The following ZNF358 variants were observed in gnomAD, a reference collection of about 807,000 sequenced individuals.
ZNF358 encodes the protein zinc finger protein 358.
ZNF358 carries 1 observed loss-of-function variant against 2.1 expected under a neutral mutation model. The ratio of observed to expected loss-of-function variants is 0.49; its 90% CI spans 0.17 to 2.30. The LOEUF (loss-of-function observed/expected upper bound fraction) is 2.30. Ranked by LOEUF, ZNF358 falls within the 30% of genes most tolerant of loss-of-function variation. ZNF358 has a pLI of 0.26. For synonymous variants in ZNF358, 381 were observed against 359.7 expected (o/e 1.06, Z -0.67); for missense variants, 665 against 806.8 (o/e 0.82, Z 2.13).
intron 1 of ZNF358, among the ~76,000 whole-genome samples, chr19:7,517,460 C>T (rs1262298900): frequency 2.0e-5 from 3 of 152,132 alleles, no homozygotes; most frequent in Admixed American, 6.5e-5. Context: ...CATGGTGGCT[C>T]ATGCCTGTAA....
chr19:7,520,137 G>A lies in ZNF358; in HGVS notation c.895G>A (p.Ala299Thr). Reference protein sequence around the residue: ...RPYPCPQCGKAFGQSSALLQH... With the variant: ...RPYPCPQCGKTFGQSSALLQH... The stretch of plus-strand genomic sequence containing the variant: ...CTACCCGTGTCCGCAGTGCGGCAAG[G>A]CCTTCGGGCAGAGCTCGGCGCTGCT... The change falls in exon 2 of 2, where the codon GCC (alanine) becomes ACC (threonine). Residue 299 changes from alanine (A) to threonine (T), a missense_variant. Ala to Thr is a moderately conservative substitution (Grantham distance 58, BLOSUM62 0). Transcript: ENST00000597229. This position sits in a 1 kb window ranked among gnomAD's most constrained non-coding sequence, Gnocchi z 6.0. The A allele has an allele frequency of 6.3e-7, 1 of 1,598,974 alleles. No individual in the cohort carries two copies. The highest frequency in any genetic ancestry group is 8.5e-7 in the Non-Finnish European group (1 of 1,178,286).
chr19:7,519,980 C>A lies in ZNF358; in HGVS notation c.738C>A (p.His246Gln). Reference sequence around the variant, plus strand: ...CGGTGTGTGGCAAGGCCTTCGGGCACGGCTCGCTCCTGGCACAGCACCTGC... The same window carrying A: ...CGGTGTGTGGCAAGGCCTTCGGGCAAGGCTCGCTCCTGGCACAGCACCTGC... ...HCPVCGKAFG[H>Q]GSLLAQHLRT... Residue 246 changes from histidine (H) to glutamine (Q), a missense_variant, in exon 2 of 2, where the codon CAC becomes CAA. By Grantham distance (24) the His-to-Gln change is conservative (BLOSUM62 0). Transcript: ENST00000597229. The A allele has an allele frequency of 6.6e-7, 1 of 1,515,012 alleles. No individual in the cohort carries two copies. The allele number at this position is 1,515,012 out of a possible 1,614,324, so 93.8% of individuals were successfully genotyped here.
chr19:7,520,475 TGCAGCA>T lies in ZNF358; in HGVS notation c.1236_1241del (p.Ala415_Ala416del). On this transcript the variant is annotated inframe_deletion, in exon 2 of 2. Coordinates refer to ENST00000597229, the MANE Select transcript of ZNF358 (RefSeq NM_018083.5). This position sits in a 1 kb window ranked among gnomAD's most constrained non-coding sequence, Gnocchi z 6.0. ...CTGCAGCTGCCGCGGCCGCTGCAGC[TGCAGCA>T]GCGGCCGCCGGCCTGGGCCTCGGGC... 2.6e-6 allele frequency: 2 copies of T among 756,364 alleles called. No individual in the cohort carries two copies. Among genetic ancestry groups the T allele is most frequent in the Non-Finnish European group, 3.9e-6 (2 of 515,624 alleles). The allele number at this position is 756,364 out of a possible 1,614,324, so 46.9% of individuals were successfully genotyped here.
chr19:7,518,557 G>GAGAGAGAGAAAGAAAGAAAGAAAGAA (rs556101041), intron 1 of ZNF358, among the ~76,000 whole-genome samples: 6 of 116,170 alleles, frequency 5.2e-5, no homozygotes, highest in East Asian at 2.6e-4. Flanking sequence ...GAGAGAGAGA[G>GAGAGAGAGAAAGAAAGAAAGAAAGAA]AGAAAGAAAG....
Position 7,519,992 on chromosome 19 carries a change from G to A in ZNF358, c.750G>A (p.Leu250=). Residue 250 remains leucine, a synonymous_variant, in exon 2 of 2, where the codon CTG becomes CTA. Transcript: ENST00000597229. ...CGKAFGHGSL[L]AQHLRTHGGP... ...AGGCCTTCGGGCACGGCTCGCTCCT[G>A]GCACAGCACCTGCGCACGCACGGCG... The A allele has an allele frequency of 6.6e-7, 1 of 1,521,464 alleles. No homozygotes were observed. Among genetic ancestry groups the A allele is most frequent in the South Asian group, 1.2e-5 (1 of 82,408 alleles). The allele number at this position is 1,521,464 out of a possible 1,614,324, so 94.2% of individuals were successfully genotyped here.
chr19:7,520,503 G>C lies in ZNF358; in HGVS notation c.1261G>C (p.Gly421Arg). ...AAAAAAGLGLGPGLSPASMMR... is the reference protein window; with the variant it reads ...AAAAAAGLGLRPGLSPASMMR... ...AGCAGCGGCCGCCGGCCTGGGCCTC[G>C]GGCCTGGCCTAAGCCCTGCATCCAT... The change falls in exon 2 of 2, where the codon GGG becomes CGG. Residue 421 changes from glycine to arginine, a missense_variant. Transcript: ENST00000597229. The surrounding 1 kb of genome is among the most constrained non-coding windows in gnomAD (Gnocchi z 6.0). The C allele has an allele frequency of 4.7e-6, 6 of 1,276,384 alleles. No homozygotes were observed. Among genetic ancestry groups the C allele is most frequent in the Non-Finnish European group, 5.5e-6 (5 of 913,596 alleles). The allele number at this position is 1,276,384 out of a possible 1,614,324, so 79.1% of individuals were successfully genotyped here.
In ZNF358 at chr19:7,520,061, C is replaced by T; in HGVS notation, c.819C>T (p.Gly273=). The change falls in exon 2 of 2, where the codon GGC becomes GGT. Residue 273 remains glycine, a synonymous_variant. Coordinates refer to ENST00000597229, the MANE Select transcript of ZNF358 (RefSeq NM_018083.5). This position sits in a 1 kb window ranked among gnomAD's most constrained non-coding sequence, Gnocchi z 6.0. ...HKCPVCAKGF[G]QGSALLKHLR... ...GCCCGGTGTGCGCCAAGGGCTTCGGCCAGGGCTCTGCGCTGCTCAAACACC... is the reference window on the plus strand; with the variant it reads ...GCCCGGTGTGCGCCAAGGGCTTCGGTCAGGGCTCTGCGCTGCTCAAACACC... 1.3e-6 allele frequency: 2 copies of T among 1,569,722 alleles called. No individual in the cohort carries two copies. The highest frequency in any genetic ancestry group is 1.7e-6 in the Non-Finnish European group (2 of 1,165,674).
chr19:7,520,142 C>T lies in ZNF358; in HGVS notation c.900C>T (p.Phe300=), dbSNP rs758877695. The T allele has an allele frequency of 6.3e-7, 1 of 1,599,170 alleles. No homozygotes were observed. Among genetic ancestry groups the T allele is most frequent in the Non-Finnish European group, 8.5e-7 (1 of 1,178,332 alleles). ...CGTGTCCGCAGTGCGGCAAGGCCTT[C>T]GGGCAGAGCTCGGCGCTGCTGCAGC... is the stretch of plus-strand genomic sequence containing the variant. The part of the protein sequence containing the change: ...PYPCPQCGKA[F]GQSSALLQHQ... Residue 300 remains phenylalanine (F), a synonymous_variant, in exon 2 of 2, where the codon TTC becomes TTT. Transcript: ENST00000597229. This position sits in a 1 kb window ranked among gnomAD's most constrained non-coding sequence, Gnocchi z 6.0.
In ZNF358 at chr19:7,519,947, C is replaced by A; in HGVS notation, c.705C>A (p.His235Gln). The stretch of plus-strand genomic sequence containing the variant: ...GCAGCCACAGCGGGGAGAAGCCGCA[C>A]CACTGCCCGGTGTGTGGCAAGGCCT... ...HRSSHSGEKP[H>Q]HCPVCGKAFG... The change falls in exon 2 of 2, where the codon CAC (histidine) becomes CAA (glutamine). Residue 235 changes from histidine (H) to glutamine (Q), a missense_variant. Around this residue, in one of 3 missense-constraint regions of ZNF358, gnomAD observed 210 missense variants for 350.8 expected, o/e 0.60. Transcript: ENST00000597229. 6.6e-7 allele frequency: 1 copy of A among 1,523,268 alleles called. No homozygotes were observed. The highest frequency in any genetic ancestry group is 8.8e-7 in the Non-Finnish European group (1 of 1,140,306). 94.4% of individuals were successfully genotyped at this position (1,523,268 alleles called of 1,614,324 possible).
chr19:7,520,457 TGCCGCG>T lies in ZNF358; in HGVS notation c.1221_1226del (p.Ala415_Ala416del). 2.2e-6 allele frequency: 2 copies of T among 900,616 alleles called. No homozygotes were observed. The highest frequency in any genetic ancestry group is 3.1e-6 in the Non-Finnish European group (2 of 648,320). 55.8% of individuals were successfully genotyped at this position (900,616 alleles called of 1,614,324 possible). A position where few individuals can be genotyped will look rare whatever the true frequency, so the allele number is the denominator to read the frequency against. On this transcript the variant is annotated inframe_deletion, in exon 2 of 2. Transcript: ENST00000597229. This position sits in a 1 kb window ranked among gnomAD's most constrained non-coding sequence, Gnocchi z 6.0. ...ATGAGGGTGCAGCCGCTGCTGCAGC[TGCCGCG>T]GCCGCTGCAGCTGCAGCAGCGGCCG... is the stretch of plus-strand genomic sequence containing the variant.
In ZNF358 at chr19:7,516,739, G is replaced by T. The variant is rs73488486; in HGVS notation, c.-39+490G>T. On this transcript the variant is annotated intron_variant, in intron 1 of 1. Coordinates refer to ENST00000597229, the MANE Select transcript of ZNF358 (RefSeq NM_018083.5). This position sits in a 1 kb window ranked among gnomAD's most constrained non-coding sequence, Gnocchi z 5.9. ...ATTGTTCCCTTGCCCCTCCAGTCTT[G>T]GGGTCTGCAGTTCTGGAAGCTCCTT... Among the ~76,000 whole-genome samples, 20,864 of 152,040 alleles carry T rather than the reference G, an allele frequency of 0.14. 2,033 individuals carry two copies. The highest frequency in any genetic ancestry group is 0.27 in the African/African-American group (11,250 of 41,450).
At position 7,519,066 on chromosome 19, in the gene ZNF358, A is replaced by T. The variant is rs1168002478; in HGVS notation, c.-38-139A>T. Reference sequence around the variant, plus strand: ...GGCAACAGAACGAGACCCCATCTCAAAAAAAAAAAAAAAAAAAAAAAGAAG... The same window carrying T: ...GGCAACAGAACGAGACCCCATCTCATAAAAAAAAAAAAAAAAAAAAAGAAG... On this transcript the variant is annotated intron_variant, in intron 1 of 1. Coordinates refer to ENST00000597229, the MANE Select transcript of ZNF358 (RefSeq NM_018083.5). 1,108 of 180,888 alleles carry T rather than the reference A, an allele frequency of 6.1e-3. 1 individual carries two copies. The highest frequency in any genetic ancestry group is 6.7e-3 in the Non-Finnish European group (912 of 136,458). 11.2% of individuals were successfully genotyped at this position (180,888 alleles called of 1,614,324 possible).
chr19:7,518,586 A>AGAAAGAAG, intron 1 of ZNF358, among the ~76,000 whole-genome samples: 1 of 149,856 alleles, frequency 6.7e-6, no homozygotes, highest in East Asian at 1.9e-4. Context: ...AAAGAAAGAA[A>AGAAAGAAG]GAAAGAAAGA....
upstream of ZNF358, chr19:7,515,989 G>A (rs2022331106): frequency 1.3e-5 from 2 of 151,394 alleles, no homozygotes; most frequent in Admixed American, 1.3e-4. Context: ...CGGTCGGGGT[G>A]GCCTGGCCGG....
intron 1 of ZNF358, among the ~76,000 whole-genome samples, chr19:7,518,586 A>AGAAAGAAAGAAAGAAG (rs2022391727): frequency 6.7e-6 from 1 of 149,856 alleles, no homozygotes; most frequent in East Asian, 1.9e-4. Context: ...AAAGAAAGAA[A>AGAAAGAAAGAAAGAAG]GAAAGAAAGA....
chr19:7,518,557 G>GAGAGAAAAGAAAGAAAGAAAGAA (rs556101041), intron 1 of ZNF358, among the ~76,000 whole-genome samples: 1 of 116,066 alleles, frequency 8.6e-6, no homozygotes, highest in East Asian at 2.6e-4. Context: ...GAGAGAGAGA[G>GAGAGAAAAGAAAGAAAGAAAGAA]AGAAAGAAAG....
chr19:7,520,768 G>C lies in ZNF358; in HGVS notation c.1526G>C (p.Ser509Thr). The change falls in exon 2 of 2, where the codon AGC becomes ACC. Residue 509 changes from serine (S) to threonine (T), a missense_variant. Ser to Thr is a moderately conservative substitution (Grantham distance 58). Coordinates refer to ENST00000597229, the MANE Select transcript of ZNF358 (RefSeq NM_018083.5). The surrounding 1 kb of genome is among the most constrained non-coding windows in gnomAD (Gnocchi z 6.0). ...GACGCTGGTCCCGACCTTGTGCCCA[G>C]CCCAGACCTTGATCCTGTGCCCAGC... Reference protein sequence around the residue: ...GHDAGPDLVPSPDLDPVPSPD... With the variant: ...GHDAGPDLVPTPDLDPVPSPD... 1 of 1,613,766 alleles carries C rather than the reference G, an allele frequency of 6.2e-7. No homozygotes were observed. The highest frequency in any genetic ancestry group is 1.3e-5 in the African/African-American group (1 of 74,856).
At position 7,519,505 on chromosome 19, in the gene ZNF358, T is replaced by A. The variant is rs371022931; in HGVS notation, c.263T>A (p.Met88Lys). ...PGSEPQDPDP[M>K]SSSFDLDPDV... ...TCGGAACCCCAAGATCCCGACCCCA[T>A]GTCTTCGAGTTTCGACCTCGATCCA... The change falls in exon 2 of 2, where the codon ATG becomes AAG. Residue 88 changes from methionine to lysine, a missense_variant. By Grantham distance (95) the Met-to-Lys change is moderately conservative. This residue lies in a region of ZNF358 where 206 missense variants were observed against 228.4 expected (regional missense o/e 0.90). Transcript: ENST00000597229. The A allele has an allele frequency of 6.2e-7, 1 of 1,612,460 alleles. No individual in the cohort carries two copies. The highest frequency in any genetic ancestry group is 1.7e-5 in the Admixed American group (1 of 59,978).
At chr19:7,517,558 C>G (rs190060129) in intron 1 of ZNF358, among the ~76,000 whole-genome samples, 40 of 152,170 alleles carry the variant, frequency 2.6e-4, no homozygotes, top group African/African-American at 9.4e-4. Context: ...GACCCCATCT[C>G]AAACATAAAT....
Sources: allele counts gnomAD v4.1 joint callset (sites outside exome capture counted in the v4.1 genomes callset), GRCh38; gene constraint gnomAD v4.1.1; regional missense constraint gnomAD v4.1.1; non-coding constraint Gnocchi (gnomAD v3.1); transcripts MANE v1.5; gene names NCBI Gene and HGNC (gene_info 2026-07-23, HGNC 2026-07-21).